The following SMC6 variants were observed in gnomAD, a reference collection of about 807,000 sequenced individuals.
SMC6 encodes structural maintenance of chromosomes protein 6.
In SMC6, 79 loss-of-function variants were observed where a neutral mutation model predicts 142.2. That is an observed-to-expected ratio of 0.56 (90% confidence interval 0.46 to 0.67). The LOEUF is 0.67. Ranked by LOEUF, SMC6 falls within the 30% of genes least tolerant of loss-of-function variation. The pLI, the probability that SMC6 is intolerant of heterozygous loss-of-function variation, is 0.00. For synonymous variants in SMC6, 411 were observed against 412.4 expected, an observed-to-expected ratio of 1.00 and a Z score of 0.04; for missense variants, 1,072 against 1,284.0, an observed-to-expected ratio of 0.83 and a Z score of 2.52.
intron 4 of SMC6, among the ~76,000 whole-genome samples, chr2:17,739,707 C>G (rs1670329389): frequency 6.6e-6 from 1 of 151,896 alleles, no homozygotes; most frequent in African/African-American, 2.4e-5. Context: ...TAGCTACCTT[C>G]AAAGCTGAGG....
At chr2:17,667,812 T>A (rs768056644) in intron 26 of SMC6, among the ~76,000 whole-genome samples, 26 of 152,154 alleles carry the variant, frequency 1.7e-4, no homozygotes, top group Non-Finnish European at 3.2e-4. Context: ...ATCACGCCAC[T>A]GCACTCCAGC....
intron 5 of SMC6, among the ~76,000 whole-genome samples, chr2:17,734,798 C>T (rs1193497508): frequency 2.0e-5 from 3 of 152,136 alleles, no homozygotes; most frequent in Non-Finnish European, 2.9e-5. Flanking sequence ...GTGGCATGAT[C>T]TCGGCTCACT....
At chr2:17,751,461 C>A in intron 2 of SMC6, among the ~76,000 whole-genome samples, 2 of 132,634 alleles carry the variant, frequency 1.5e-5, no homozygotes, top group Non-Finnish European at 3.1e-5. Context: ...AAAACTCTGT[C>A]TCAAACAAAA....
At chr2:17,717,221 A>C (rs1433166331) in intron 12 of SMC6, 45 bp from the exon 13 acceptor site, 5 of 1,413,882 alleles carry the variant, frequency 3.5e-6, no homozygotes, top group East Asian at 2.3e-5. Flanking sequence ...GAAAACACAA[A>C]TATCCCATTC....
chr2:17,717,908 C>A (rs1669176930), intron 12 of SMC6, among the ~76,000 whole-genome samples, 169 bp downstream of exon 12: 1 of 151,816 alleles, frequency 6.6e-6, no homozygotes, highest in Non-Finnish European at 1.5e-5. Flanking sequence ...TAGCGTGTGC[C>A]CAGGAGATAA....
chr2:17,697,882 A>G (rs185729446), intron 21 of SMC6, among the ~76,000 whole-genome samples: 6 of 152,218 alleles, frequency 3.9e-5, no homozygotes, highest in Admixed American at 2.6e-4. Flanking sequence ...AAACTTGTAC[A>G]TGAATGTTCG....
intron 24 of SMC6, chr2:17,680,398 C>G (rs1667188223): frequency 6.6e-6 from 1 of 152,082 alleles, no homozygotes; most frequent in Non-Finnish European, 1.5e-5. Flanking sequence ...TTTTGACTTC[C>G]TCCCATGAAT....
intron 26 of SMC6, among the ~76,000 whole-genome samples, 200 bp downstream of exon 26, chr2:17,670,223 T>C (rs2103468375): frequency 6.6e-6 from 1 of 152,068 alleles, no homozygotes; most frequent in South Asian, 2.1e-4. Flanking sequence ...CCCTCCAGGG[T>C]CTCTAGGGTT....
At position 17,746,871 on chromosome 2, in the gene SMC6, T is replaced by A. The variant is rs150440007; in HGVS notation, c.-5-920A>T. Among the ~76,000 whole-genome samples, 41 of 152,272 alleles carry A rather than the reference T, an allele frequency of 2.7e-4. No individual in the cohort carries two copies. The East Asian group carries it at 4.2e-3, about 16-fold the overall frequency. Reference sequence around the variant, plus strand: ...AAAAATCTCTAACATAATCAAAAATTTCTAAGATATAAGAATATGAGGAAC... The same window carrying A: ...AAAAATCTCTAACATAATCAAAAATATCTAAGATATAAGAATATGAGGAAC... On this transcript the variant is annotated intron_variant, in intron 2 of 27. Coordinates refer to ENST00000448223, the MANE Select transcript of SMC6 (RefSeq NM_001142286.2).
At chr2:17,746,922 C>A (rs1369567022) in intron 2 of SMC6, among the ~76,000 whole-genome samples, 2 of 151,916 alleles carry the variant, frequency 1.3e-5, no homozygotes, top group Non-Finnish European at 2.9e-5. Flanking sequence ...GTACTGAAAT[C>A]CCCCAAATAT....
intron 2 of SMC6, among the ~76,000 whole-genome samples, chr2:17,747,796 G>A (rs1228518650): frequency 3.3e-5 from 5 of 152,066 alleles, no homozygotes; most frequent in Admixed American, 1.3e-4. Context: ...GAGTCATCAC[G>A]GCTGGCCAAA....
intron 23 of SMC6, among the ~76,000 whole-genome samples, chr2:17,686,553 C>T (rs902628724): frequency 2.9e-4 from 44 of 152,134 alleles, no homozygotes; most frequent in African/African-American, 1.1e-3. Context: ...GATATGATGC[C>T]AAAAGTGAAA....
intron 23 of SMC6, among the ~76,000 whole-genome samples, chr2:17,691,674 T>C (rs71423424): frequency 6.6e-6 from 1 of 152,040 alleles, no homozygotes; most frequent in Non-Finnish European, 1.5e-5. Context: ...ATGCCCTCTC[T>C]CACCACTCCT....
rs556092309 is a variant in SMC6 at position 17,671,805 on chromosome 2, A to G, written c.2911-1230T>C. ...AAAATTAACAGCAAATCATTCACAC[A>G]ATTTCCTGAGAATATACAATAACAT... On this transcript the variant is annotated intron_variant, in intron 25 of 27. Coordinates refer to ENST00000448223, the MANE Select transcript of SMC6 (RefSeq NM_001142286.2). 3.3e-5 allele frequency among the ~76,000 whole-genome samples: 5 copies of G among 152,068 alleles called. No homozygotes were observed. The East Asian group carries it at 9.6e-4, about 29-fold the overall frequency.
chr2:17,746,441 A>T (rs1670748630), intron 2 of SMC6: 1 of 152,306 alleles, frequency 6.6e-6, no homozygotes, highest in South Asian at 2.1e-4. Context: ...TAGAGATGGC[A>T]TGGTGACTCC....
chr2:17,708,871 GGGAAA>G (rs2124968620), intron 16 of SMC6, 118 bp from the exon 17 acceptor site: 2 of 303,222 alleles, frequency 6.6e-6, no homozygotes, highest in East Asian at 1.0e-4. Flanking sequence ...TTTGTAATGG[GGGAAA>G]TTATAAATAA....
chr2:17,739,941 C>T (rs1670359708), intron 4 of SMC6, among the ~76,000 whole-genome samples: 1 of 138,080 alleles, frequency 7.2e-6, no homozygotes, highest in African/African-American at 2.6e-5. Flanking sequence ...ATATGGTAAC[C>T]ATTTTCTGAA....
At position 17,708,768 on chromosome 2, in the gene SMC6, T is replaced by C. The variant is rs1668673781; in HGVS notation, c.1731-15A>G. 7.2e-7 allele frequency: 1 copy of C among 1,392,640 alleles called. No homozygotes were observed. Among genetic ancestry groups the C allele is most frequent in the South Asian group, 1.7e-5 (1 of 58,708 alleles). The allele number at this position is 1,392,640 out of a possible 1,614,324, so 86.3% of individuals were successfully genotyped here. A position where few individuals can be genotyped will look rare whatever the true frequency, so the allele number is the denominator to read the frequency against. On this transcript the variant is annotated splice_polypyrimidine_tract_variant and intron_variant, in intron 16 of 27. Transcript: ENST00000448223. ...GATAAGCAGCTCTAGGAGACAAAAA[T>C]ACAGAAGGATTAACTTAGCAAATTT...
intron 12 of SMC6, 128 bp downstream of exon 12, chr2:17,717,949 G>T: frequency 1.1e-6 from 1 of 932,126 alleles, no homozygotes; most frequent in Non-Finnish European, 1.5e-6. Context: ...TGGCGCCATA[G>T]CACTCCAGCC....
Sources: gnomAD v4.1 joint callset for allele counts (sites outside exome capture counted in the v4.1 genomes callset) on GRCh38, gnomAD v4.1.1 for gene constraint, MANE v1.5 for transcripts, NCBI Gene and HGNC (gene_info 2026-07-23, HGNC 2026-07-21) for gene names.